The following NCKAP5 variants were observed in gnomAD, a reference collection of about 807,000 sequenced individuals.
NCKAP5 encodes the protein NCK associated protein 5, also known as nck-associated protein 5.
A neutral mutation model predicts 167.0 loss-of-function variants in NCKAP5; 92 were observed. That is an observed-to-expected ratio of 0.55 (90% confidence interval 0.47 to 0.66). The LOEUF (loss-of-function observed/expected upper bound fraction) is 0.66, where lower values mean the gene tolerates loss of function less well. Ranked by LOEUF, NCKAP5 falls within the 30% of genes least tolerant of loss-of-function variation. The pLI is 0.00. For synonymous variants in NCKAP5, 891 were observed against 877.4 expected, an observed-to-expected ratio of 1.02 and a Z score of -0.27; for missense variants, 2,378 against 2,315.0, an observed-to-expected ratio of 1.03 and a Z score of -0.56.
At chr2:132,851,301 G>C (rs1384679437) in intron 11 of NCKAP5, among the ~76,000 whole-genome samples, 1 of 152,202 alleles carries the variant, frequency 6.6e-6, no homozygotes, top group Non-Finnish European at 1.5e-5. Flanking sequence ...TGAGGTAGTA[G>C]ATGGAAGTGG....
At chr2:132,817,744 A>G (rs1459903717) in intron 11 of NCKAP5, among the ~76,000 whole-genome samples, 1 of 152,140 alleles carries the variant, frequency 6.6e-6, no homozygotes, top group Non-Finnish European at 1.5e-5. Context: ...AAGGAGGAGT[A>G]ACAAAGCCTC....
intron 3 of NCKAP5, among the ~76,000 whole-genome samples, chr2:133,468,595 A>G (rs571734901): frequency 2.0e-5 from 3 of 152,224 alleles, no homozygotes; most frequent in East Asian, 3.9e-4. Flanking sequence ...TGATCTGTCT[A>G]ATGCTGACAG....
chr2:133,642,390 C>T, the NCKAP5 span, among the ~76,000 whole-genome samples: 3 of 152,182 alleles, frequency 2.0e-5, no homozygotes, highest in African/African-American at 7.2e-5. Flanking sequence ...TAGATCAGCC[C>T]AAGTCATATT....
chr2:133,674,666 G>T, the NCKAP5 span, among the ~76,000 whole-genome samples: 5 of 151,892 alleles, frequency 3.3e-5, no homozygotes, highest in Non-Finnish European at 5.9e-5. Flanking sequence ...AGAAAATTCT[G>T]TCCTTACCGA....
At chr2:133,493,452 T>C (rs1039306849) in intron 3 of NCKAP5, among the ~76,000 whole-genome samples, 9 of 152,214 alleles carry the variant, frequency 5.9e-5, no homozygotes, top group African/African-American at 2.2e-4. Context: ...CTGGTAATAG[T>C]TTGGGTCCTA....
At chr2:133,607,346 G>C in the NCKAP5 span, among the ~76,000 whole-genome samples, 1 of 152,194 alleles carries the variant, frequency 6.6e-6, no homozygotes, top group Non-Finnish European at 1.5e-5. Context: ...ACTGGACCCA[G>C]GTAGAGTGTC....
intron 11 of NCKAP5, among the ~76,000 whole-genome samples, chr2:132,804,932 A>T (rs1217695289): frequency 6.6e-6 from 1 of 151,806 alleles, no homozygotes; most frequent in Non-Finnish European, 1.5e-5. Context: ...CTATGAAGGG[A>T]GGGACGTGAT....
intron 19 of NCKAP5, among the ~76,000 whole-genome samples, chr2:132,722,392 C>G (rs956172022): frequency 3.3e-5 from 5 of 152,234 alleles, no homozygotes; most frequent in African/African-American, 1.2e-4. Flanking sequence ...CAGACAGAAT[C>G]ATGAGTCTCC....
At chr2:133,587,707 C>T in the NCKAP5 span, among the ~76,000 whole-genome samples, 4 of 152,186 alleles carry the variant, frequency 2.6e-5, no homozygotes, top group Non-Finnish European at 1.5e-5. Flanking sequence ...ATCTCTTCCC[C>T]ATGCCTTGCC....
At chr2:133,246,456 A>G (rs1415963463) in intron 4 of NCKAP5, among the ~76,000 whole-genome samples, 1 of 152,168 alleles carries the variant, frequency 6.6e-6, no homozygotes, top group Non-Finnish European at 1.5e-5. Context: ...GAAAAAAAGC[A>G]GAAAACACCA....
intron 8 of NCKAP5, among the ~76,000 whole-genome samples, chr2:132,955,414 A>C (rs2076309312): frequency 6.6e-6 from 1 of 152,166 alleles, no homozygotes; most frequent in South Asian, 2.1e-4. Context: ...ACTTAAGAGG[A>C]GGCAGGGGCG....
At chr2:133,264,209 C>T (rs2089063679) in intron 4 of NCKAP5, among the ~76,000 whole-genome samples, 1 of 152,188 alleles carries the variant, frequency 6.6e-6, no homozygotes, top group Non-Finnish European at 1.5e-5. Flanking sequence ...ATTGTTTATT[C>T]TGTGTTTTAA....
intron 7 of NCKAP5, among the ~76,000 whole-genome samples, chr2:132,981,404 T>G (rs1029445828): frequency 6.6e-6 from 1 of 152,090 alleles, no homozygotes; most frequent in South Asian, 2.1e-4. Context: ...CCTGAGAACA[T>G]GAGGGAAGGA....
the NCKAP5 span, among the ~76,000 whole-genome samples, chr2:133,626,566 T>A: frequency 6.6e-6 from 1 of 152,158 alleles, no homozygotes; most frequent in East Asian, 1.9e-4. Flanking sequence ...ATTCAAAGTA[T>A]AAAGATATTA....
chr2:132,990,812 T>G (rs563668028), intron 7 of NCKAP5, among the ~76,000 whole-genome samples: 15 of 152,324 alleles, frequency 9.8e-5, no homozygotes, highest in African/African-American at 3.6e-4. Context: ...ATTTTGGACT[T>G]TTGACTTTCA....
At chr2:133,308,244 A>G (rs1048370598) in intron 3 of NCKAP5, among the ~76,000 whole-genome samples, 3 of 150,732 alleles carry the variant, frequency 2.0e-5, no homozygotes, top group South Asian at 4.2e-4. Context: ...GCCCGCCACC[A>G]CGCCCGGCTA....
intron 14 of NCKAP5, 114 bp downstream of exon 14, chr2:132,781,826 T>G (rs1003291106): frequency 2.1e-6 from 2 of 940,300 alleles, no homozygotes; most frequent in African/African-American, 1.7e-5. Flanking sequence ...TATTCATTTC[T>G]GCCTGTATGA....
intron 5 of NCKAP5, among the ~76,000 whole-genome samples, chr2:133,200,061 C>CTTT (rs70973417): frequency 3.7e-5 from 4 of 109,396 alleles, no homozygotes; most frequent in African/African-American, 1.4e-4. Context: ...TTTTTTCTTT[C>CTTT]TTTTTTTTTT....
intron 5 of NCKAP5, among the ~76,000 whole-genome samples, chr2:133,139,528 A>G (rs1329138769): frequency 6.6e-6 from 1 of 152,208 alleles, no homozygotes; most frequent in Non-Finnish European, 1.5e-5. Context: ...TTACACAATT[A>G]GGAAGAGGAG....
Sources: allele counts gnomAD v4.1 joint callset (sites outside exome capture counted in the v4.1 genomes callset), GRCh38; gene constraint gnomAD v4.1.1; transcripts MANE v1.5; gene names NCBI Gene and HGNC (gene_info 2026-07-23, HGNC 2026-07-21).